Variants in RUNX1T1 observed in about 807,000 individuals in gnomAD.
RUNX1T1 encodes protein CBFA2T1.
In RUNX1T1, 4 loss-of-function variants were observed where a neutral mutation model predicts 62.8. That is an observed-to-expected ratio of 0.06 (90% CI 0.03 to 0.15). The LOEUF (loss-of-function observed/expected upper bound fraction) is 0.15. Among genes scored for constraint, RUNX1T1 ranks in the 10% least tolerant of loss-of-function variants. The probability of loss-of-function intolerance (pLI) is 1.00; values close to 1 mark genes in which losing one functional copy is unlikely to be tolerated. For synonymous variants in RUNX1T1, 291 were observed against 286.0 expected, an observed-to-expected ratio of 1.02 and a Z score of -0.18; for missense variants, 508 against 754.3, an observed-to-expected ratio of 0.67 and a Z score of 3.82.
upstream of RUNX1T1, among the ~76,000 whole-genome samples, chr8:92,064,210 A>G (rs1031648291): frequency 2.0e-5 from 3 of 152,202 alleles, no homozygotes; most frequent in African/African-American, 4.8e-5. Flanking sequence ...AACAGTGTCA[A>G]TCAATAAGAA....
At chr8:92,045,980 A>G (rs1383462393) in intron 1 of RUNX1T1, among the ~76,000 whole-genome samples, 1 of 152,108 alleles carries the variant, frequency 6.6e-6, no homozygotes, top group Admixed American at 6.6e-5. Context: ...AGGTCAGAAA[A>G]TTTAAGTGGG....
At chr8:92,096,622 C>G (rs1837767585) in intron 1 of RUNX1T1, among the ~76,000 whole-genome samples, 1 of 152,146 alleles carries the variant, frequency 6.6e-6, no homozygotes, top group Non-Finnish European at 1.5e-5. Flanking sequence ...GGCACTGAAG[C>G]TTGGTTAAGA....
intron 8 of RUNX1T1, among the ~76,000 whole-genome samples, chr8:91,978,072 C>T (rs1814373409): frequency 6.6e-6 from 1 of 152,132 alleles, no homozygotes; most frequent in Non-Finnish European, 1.5e-5. Flanking sequence ...AGCCACCATG[C>T]CCAGCCTATA....
At chr8:91,960,355 A>T (rs946277967) in exon 11 of RUNX1T1, 5 of 1,613,688 alleles carry the variant, frequency 3.1e-6, no homozygotes, top group Non-Finnish European at 4.2e-6. Flanking sequence ...GTGACAGAGG[A>T]GCTGACTGCA....
intron 1 of RUNX1T1, among the ~76,000 whole-genome samples, chr8:92,033,556 G>A (rs11785362): frequency 0.16 from 24,775 of 152,108 alleles, 2,402 homozygotes; most frequent in Non-Finnish European, 0.22. Context: ...ACGGTGAGGC[G>A]GGCTGATCAC....
At chr8:91,994,479 G>C (rs910191021) in intron 5 of RUNX1T1, 3 of 383,434 alleles carry the variant, frequency 7.8e-6, no homozygotes, top group Admixed American at 6.2e-5. Context: ...TGCTAACACA[G>C]CACCTACCTT....
intron 1 of RUNX1T1, among the ~76,000 whole-genome samples, chr8:92,034,689 T>TATATACAC (rs1826922963): frequency 1.3e-5 from 2 of 151,396 alleles, no homozygotes; most frequent in African/African-American, 2.4e-5. Flanking sequence ...TGTGTGTGTG[T>TATATACAC]GTATACATGT....
rs529671961 is a variant in RUNX1T1 at position 91,986,507 on chromosome 8, G to C, written c.997-182C>G. 3.9e-5 allele frequency among the ~76,000 whole-genome samples: 6 copies of C among 152,204 alleles called. No homozygotes were observed. The South Asian group carries it at 1.2e-3, about 32-fold the overall frequency. Reference sequence around the variant, plus strand: ...GAGCCAATAGATGGAAAATTCAATGGGAATGAGAAGATAAGTGTTATGAAC... The same window carrying C: ...GAGCCAATAGATGGAAAATTCAATGCGAATGAGAAGATAAGTGTTATGAAC... On this transcript the variant is annotated intron_variant, in intron 7 of 10. Coordinates refer to ENST00000396218, the Ensembl canonical transcript of RUNX1T1.
At chr8:91,995,904 A>G (rs1378626860) in intron 5 of RUNX1T1, among the ~76,000 whole-genome samples, 1 of 152,220 alleles carries the variant, frequency 6.6e-6, no homozygotes, top group African/African-American at 2.4e-5. Context: ...GGCCAGTTCT[A>G]TTCAAAGCAT....
chr8:91,989,778 G>A (rs1275083996), intron 6 of RUNX1T1, among the ~76,000 whole-genome samples: 1 of 152,166 alleles, frequency 6.6e-6, no homozygotes, highest in East Asian at 1.9e-4. Context: ...GTAGAAGGGA[G>A]TTGTTATCAC....
intron 1 of RUNX1T1, among the ~76,000 whole-genome samples, chr8:92,091,051 C>T (rs545772004): frequency 1.2e-4 from 19 of 152,238 alleles, no homozygotes; most frequent in African/African-American, 3.9e-4. Flanking sequence ...GTGGTCTGTG[C>T]CCCAGGTGTT....
chr8:91,975,789 T>C (rs1443202616), intron 9 of RUNX1T1, 116 bp downstream of exon 10: 8 of 674,482 alleles, frequency 1.2e-5, no homozygotes, highest in Non-Finnish European at 2.1e-5. Context: ...TTTGTTTTGT[T>C]TTTGCTGTTG....
intron 9 of RUNX1T1, 35 bp from the exon 11 acceptor site, chr8:91,970,883 C>G: frequency 6.5e-7 from 1 of 1,531,348 alleles, no homozygotes; most frequent in Non-Finnish European, 8.8e-7. Flanking sequence ...GACAAGAAAA[C>G]ACCTCTCAGT....
intron 1 of RUNX1T1, among the ~76,000 whole-genome samples, chr8:92,078,978 A>C (rs1220787904): frequency 6.6e-6 from 1 of 152,196 alleles, no homozygotes; most frequent in Non-Finnish European, 1.5e-5. Flanking sequence ...ATTTAATAGG[A>C]TGTAAAGACT....
At chr8:92,050,675 T>G (rs987538964) in intron 1 of RUNX1T1, among the ~76,000 whole-genome samples, 1 of 152,180 alleles carries the variant, frequency 6.6e-6, no homozygotes, top group Non-Finnish European at 1.5e-5. Flanking sequence ...CAATTAAACA[T>G]GGTGCGTCAA....
chr8:92,039,122 C>T (rs995355343), intron 1 of RUNX1T1, among the ~76,000 whole-genome samples: 1 of 151,428 alleles, frequency 6.6e-6, no homozygotes, highest in Non-Finnish European at 1.5e-5. Flanking sequence ...GTGGCCAAAT[C>T]CAAAAGGCAA....
At chr8:92,027,745 T>C (rs543962532) in intron 1 of RUNX1T1, among the ~76,000 whole-genome samples, 3 of 152,036 alleles carry the variant, frequency 2.0e-5, no homozygotes, top group Non-Finnish European at 4.4e-5. Flanking sequence ...TGGTCTTTAA[T>C]GGGAGTGAAC....
intron 2 of RUNX1T1, among the ~76,000 whole-genome samples, chr8:92,068,076 C>T (rs1244446573): frequency 6.6e-6 from 1 of 151,782 alleles, no homozygotes; most frequent in African/African-American, 2.4e-5. Context: ...TATTAATCCA[C>T]AAGCTGAACA....
chr8:92,012,510 G>C (rs1017956417), intron 3 of RUNX1T1, among the ~76,000 whole-genome samples: 13 of 152,084 alleles, frequency 8.5e-5, no homozygotes, highest in Non-Finnish European at 7.4e-5. Flanking sequence ...TTGGGTGACA[G>C]AGAACGGGTA....
Sources: gnomAD v4.1 joint callset for allele counts (sites outside exome capture counted in the v4.1 genomes callset) on GRCh38, gnomAD v4.1.1 for gene constraint, MANE v1.5 for transcripts, NCBI Gene and HGNC (gene_info 2026-07-23, HGNC 2026-07-21) for gene names.